Variants in RAB23 observed in about 807,000 individuals in gnomAD.
The protein encoded by RAB23 is RAB23, member RAS oncogene family, also known as ras-related protein Rab-23.
Under a neutral mutation model 30.0 loss-of-function variants are expected in RAB23, and 15 were observed. The ratio of observed to expected loss-of-function variants is 0.50; its 90% CI spans 0.33 to 0.77. RAB23 has a LOEUF of 0.77. RAB23 is among the 30% of genes least tolerant of loss of function. The probability of loss-of-function intolerance (pLI) is 0.02; values close to 1 mark genes in which losing one functional copy is unlikely to be tolerated. For synonymous variants in RAB23, 93 were observed against 94.0 expected, an observed-to-expected ratio of 0.99 and a Z score of 0.06; for missense variants, 243 against 275.4, an observed-to-expected ratio of 0.88 and a Z score of 0.83.
chr6:57,194,865 T>C lies in RAB23; in HGVS notation c.399-13A>G. The C allele has an allele frequency of 6.2e-7, 1 of 1,608,044 alleles. No individual in the cohort carries two copies. Among genetic ancestry groups the C allele is most frequent in the Non-Finnish European group, 8.5e-7 (1 of 1,175,006 alleles). ...CTCAGCTTCCTCACTGCACATCAAT[T>C]TAAAAAAAAATGCTTTACAAAGGTG... On this transcript the variant is annotated splice_polypyrimidine_tract_variant and intron_variant, in intron 4 of 6. Coordinates refer to ENST00000468148, the MANE Select transcript of RAB23 (RefSeq NM_016277.5).
chr6:57,211,197 T>G (rs1765639671), intron 1 of RAB23, among the ~76,000 whole-genome samples: 1 of 152,146 alleles, frequency 6.6e-6, no homozygotes, highest in Admixed American at 6.5e-5. Flanking sequence ...ATGCCTATAA[T>G]CCCAGCATTT....
chr6:57,210,749 A>G (rs150360856), intron 1 of RAB23, among the ~76,000 whole-genome samples: 2 of 152,324 alleles, frequency 1.3e-5, no homozygotes, highest in East Asian at 3.9e-4. Context: ...GGTGCCACTT[A>G]CTAGTTCTGT....
intron 1 of RAB23, among the ~76,000 whole-genome samples, chr6:57,220,397 C>A (rs1298449985): frequency 1.3e-5 from 2 of 152,126 alleles, no homozygotes; most frequent in South Asian, 4.1e-4. Context: ...GCAATCCACT[C>A]CTAGCAATAC....
At chr6:57,191,261 T>TC (rs1191033371) in intron 6 of RAB23, among the ~76,000 whole-genome samples, 1 of 152,142 alleles carries the variant, frequency 6.6e-6, no homozygotes, top group East Asian at 1.9e-4. Context: ...TTGCCAGTTT[T>TC]CCCACCCCTA....
At chr6:57,197,172 G>A (rs1408207403) in intron 3 of RAB23, among the ~76,000 whole-genome samples, 1 of 151,896 alleles carries the variant, frequency 6.6e-6, no homozygotes, top group Admixed American at 6.6e-5. Flanking sequence ...TATTTCAGTA[G>A]AATACCAGTG....
intron 3 of RAB23, among the ~76,000 whole-genome samples, chr6:57,201,176 C>T (rs368502981): frequency 9.9e-5 from 15 of 151,638 alleles, no homozygotes; most frequent in African/African-American, 3.6e-4. Context: ...CTCTGCCTCC[C>T]GGATTCAAGC....
At chr6:57,191,843 TTG>T (rs984122202) in intron 6 of RAB23, among the ~76,000 whole-genome samples, 2 of 150,352 alleles carry the variant, frequency 1.3e-5, no homozygotes, top group Non-Finnish European at 3.0e-5. Flanking sequence ...TATTTCTGAG[TTG>T]TGTGTGTGTG....
chr6:57,212,287 G>A (rs1313307904), intron 1 of RAB23, among the ~76,000 whole-genome samples: 1 of 152,202 alleles, frequency 6.6e-6, no homozygotes, highest in Non-Finnish European at 1.5e-5. Flanking sequence ...TTGGTCTGGG[G>A]CTCCCCATCA....
At chr6:57,197,397 A>T (rs1234626074) in intron 3 of RAB23, among the ~76,000 whole-genome samples, 1 of 152,188 alleles carries the variant, frequency 6.6e-6, no homozygotes, top group Non-Finnish European at 1.5e-5. Flanking sequence ...AGTTTTATAA[A>T]TTATTAGCTA....
chr6:57,203,233 TG>T (rs1445847600), intron 3 of RAB23, among the ~76,000 whole-genome samples: 1 of 152,176 alleles, frequency 6.6e-6, no homozygotes, highest in African/African-American at 2.4e-5. Flanking sequence ...CTCGAACTCC[TG>T]ACCTCAGGTG....
At chr6:57,196,912 A>G (rs1348409895) in intron 3 of RAB23, among the ~76,000 whole-genome samples, 3 of 152,198 alleles carry the variant, frequency 2.0e-5, no homozygotes, top group Non-Finnish European at 4.4e-5. Context: ...CCTCAAAAGC[A>G]TACACATTCT....
chr6:57,191,236 C>G (rs2127996656), intron 6 of RAB23, among the ~76,000 whole-genome samples: 1 of 152,126 alleles, frequency 6.6e-6, no homozygotes, highest in African/African-American at 2.4e-5. Context: ...TCTTTTTTAC[C>G]CAGATTTTCA....
chr6:57,210,554 C>T, intron 1 of RAB23, 109 bp from the exon 2 acceptor site: 1 of 706,288 alleles, frequency 1.4e-6, no homozygotes, highest in Admixed American at 2.4e-5. Context: ...GTTTTCATAA[C>T]TGAGGTCCCT....
Position 57,190,300 on chromosome 6 carries a change from C to G in RAB23, c.*161G>C. ...TAATTTTTCCACCAGAGGTCTCACTCTACATTCTGAAAAGCACTGCAGAGC... is the reference window on the plus strand; with the variant it reads ...TAATTTTTCCACCAGAGGTCTCACTGTACATTCTGAAAAGCACTGCAGAGC... On this transcript the variant is annotated 3_prime_UTR_variant, in exon 7 of 7. Transcript: ENST00000468148. 1 of 828,388 alleles carries G rather than the reference C, an allele frequency of 1.2e-6. No individual in the cohort carries two copies. The highest frequency in any genetic ancestry group is 1.6e-5 in the South Asian group (1 of 61,862). The allele number at this position is 828,388 out of a possible 1,614,324, so 51.3% of individuals were successfully genotyped here. A position where few individuals can be genotyped will look rare whatever the true frequency, so the allele number is the denominator to read the frequency against.
At chr6:57,197,919 TTTTTGTTTTGTTTTG>T (rs944250391) in intron 3 of RAB23, among the ~76,000 whole-genome samples, 2 of 152,162 alleles carry the variant, frequency 1.3e-5, no homozygotes, top group Non-Finnish European at 2.9e-5. Flanking sequence ...ATTCTTTGTT[TTTTTGTTTTGTTTTG>T]TTTTGTTTTT....
chr6:57,190,621 G>C, intron 6 of RAB23, 21 bp from the exon 7 acceptor site: 1 of 1,613,558 alleles, frequency 6.2e-7, no homozygotes, highest in Non-Finnish European at 8.5e-7. Flanking sequence ...TGAGGGAAAA[G>C]AGTGATTGCC....
intron 3 of RAB23, among the ~76,000 whole-genome samples, 157 bp from the exon 4 acceptor site, chr6:57,196,763 CT>C (rs1562651697): frequency 6.6e-6 from 1 of 152,176 alleles, no homozygotes; most frequent in African/African-American, 2.4e-5. Flanking sequence ...TTGTACTACT[CT>C]TCTTTACTTT....
intron 6 of RAB23, 105 bp downstream of exon 6, chr6:57,193,737 G>T: frequency 6.9e-7 from 1 of 1,445,656 alleles, no homozygotes; most frequent in Admixed American, 2.2e-5. Context: ...TGACTTAATA[G>T]TTTAATAATC....
chr6:57,217,462 C>T (rs1765893577), intron 1 of RAB23, among the ~76,000 whole-genome samples: 1 of 152,042 alleles, frequency 6.6e-6, no homozygotes, highest in Non-Finnish European at 1.5e-5. Flanking sequence ...GCATGCATCA[C>T]CATGCTGGGC....
Sources: gnomAD v4.1 joint callset for allele counts (sites outside exome capture counted in the v4.1 genomes callset) on GRCh38, gnomAD v4.1.1 for gene constraint, MANE v1.5 for transcripts, NCBI Gene and HGNC (gene_info 2026-07-23, HGNC 2026-07-21) for gene names.